The following PLAC1 variants were observed in gnomAD, a reference collection of about 807,000 sequenced individuals.
PLAC1 encodes the protein placenta associated 1.
For synonymous variants in PLAC1, 68 were observed against 62.1 expected (o/e 1.09, Z -0.44); for missense variants, 136 against 163.2 (o/e 0.83, Z 0.91).
At chrX:134,710,758 A>G (rs2078625739) in intron 2 of PLAC1, among the ~76,000 whole-genome samples, 1 of 111,410 alleles carries the variant, frequency 9.0e-6, no homozygotes, top group Admixed American at 9.6e-5. Flanking sequence ...AATAAAAATG[A>G]GTTGACTGGA....
At chrX:134,644,110 G>A (rs1344147799) in intron 1 of PLAC1, among the ~76,000 whole-genome samples, 1 of 111,003 alleles carries the variant, frequency 9.0e-6, no homozygotes, top group African/African-American at 3.3e-5. Flanking sequence ...GAACAAGATA[G>A]AAATGTCTAT....
At chrX:134,703,712 A>G (rs763527179) in intron 2 of PLAC1, among the ~76,000 whole-genome samples, 1 of 110,417 alleles carries the variant, frequency 9.1e-6, no homozygotes, top group African/African-American at 3.3e-5. Context: ...TGATATCTCA[A>G]TAAAGCTGTT....
At chrX:134,711,409 G>A (rs182701072) in intron 2 of PLAC1, among the ~76,000 whole-genome samples, 89 of 112,199 alleles carry the variant, frequency 7.9e-4, no homozygotes, top group Non-Finnish European at 1.5e-3. Flanking sequence ...TCAGCCTTGA[G>A]TAGATTTCAC....
intron 1 of PLAC1, among the ~76,000 whole-genome samples, chrX:134,762,700 C>T (rs372153451): frequency 9.4e-6 from 1 of 106,578 alleles, no homozygotes; most frequent in Admixed American, 1.0e-4. Context: ...CAGTGGCGGG[C>T]GCCTATAATC....
At chrX:134,744,948 C>A (rs755799742) in intron 1 of PLAC1, among the ~76,000 whole-genome samples, 1 of 111,293 alleles carries the variant, frequency 9.0e-6, no homozygotes, top group South Asian at 3.9e-4. Flanking sequence ...TATCAGTCTC[C>A]CAGAGTCTCC....
chrX:134,674,242 T>C (rs1477756216), intron 2 of PLAC1, among the ~76,000 whole-genome samples: 5 of 112,578 alleles, frequency 4.4e-5, no homozygotes, highest in Non-Finnish European at 9.4e-5. Context: ...GGATGACATG[T>C]TGAGGAAAAA....
rs1362532786 is a variant in PLAC1 at position 134,566,545 on chromosome X, G to A, written c.138C>T (p.Asn46=). The change falls in exon 3 of 3, where the codon AAC becomes AAT. Residue 46 remains asparagine (N), a synonymous_variant. Transcript: ENST00000359237. ...GTTCATGAAAGTGTACACACACATC[G>A]TTGTTTAGCATGAAGGGGTGCACTG... ...MVTVHPFMLN[N]DVCVHFHELH... The A allele has an allele frequency of 5.8e-6, 7 of 1,210,229 alleles. No homozygotes were observed. In the Admixed American group the frequency reaches 8.7e-5, roughly 15 times the overall value.
chrX:134,594,202 CTGAT>C (rs2078052455), intron 2 of PLAC1, among the ~76,000 whole-genome samples: 1 of 111,666 alleles, frequency 9.0e-6, no homozygotes, highest in Admixed American at 9.5e-5. Flanking sequence ...GTGGTTCACA[CTGAT>C]TGATTTTTAA....
chrX:134,709,093 G>C (rs1038645443), intron 2 of PLAC1, among the ~76,000 whole-genome samples: 1 of 112,102 alleles, frequency 8.9e-6, no homozygotes, highest in Non-Finnish European at 1.9e-5. Flanking sequence ...CCATGTTCAT[G>C]TATGGGAAGG....
At chrX:134,701,174 T>C (rs2078581956) in intron 2 of PLAC1, among the ~76,000 whole-genome samples, 1 of 111,440 alleles carries the variant, frequency 9.0e-6, no homozygotes, top group East Asian at 2.8e-4. Flanking sequence ...TTAACAAAAA[T>C]AAGCAATGGG....
At chrX:134,671,595 G>GAT (rs2078455641) in intron 2 of PLAC1, among the ~76,000 whole-genome samples, 1 of 106,425 alleles carries the variant, frequency 9.4e-6, no homozygotes, top group African/African-American at 3.7e-5. Flanking sequence ...GAACAGGAGA[G>GAT]AGAGAGAGAG....
chrX:134,578,027 T>C (rs1569375777), intron 2 of PLAC1, among the ~76,000 whole-genome samples: 1 of 109,860 alleles, frequency 9.1e-6, no homozygotes, highest in Non-Finnish European at 1.9e-5. Flanking sequence ...TGTGTATTGG[T>C]GGCAATTACA....
intron 2 of PLAC1, among the ~76,000 whole-genome samples, chrX:134,587,058 C>A (rs1261824445): frequency 3.6e-5 from 4 of 110,544 alleles, no homozygotes; most frequent in Middle Eastern, 4.6e-3. Flanking sequence ...GCTTTGTGAG[C>A]CTTGCTTCAT....
chrX:134,719,068 T>G (rs1044366379), intron 2 of PLAC1, among the ~76,000 whole-genome samples: 3 of 111,692 alleles, frequency 2.7e-5, no homozygotes, highest in Non-Finnish European at 5.6e-5. Context: ...GGAAGCAGAT[T>G]AGTGGTTGCC....
At chrX:134,755,852 C>CT (rs2078755390) in intron 1 of PLAC1, among the ~76,000 whole-genome samples, 4 of 80,706 alleles carry the variant, frequency 5.0e-5, no homozygotes, top group Non-Finnish European at 9.6e-5. Flanking sequence ...TTTTCCTTTT[C>CT]TTTCTTTTTT....
At chrX:134,747,052 A>G (rs1371086907) in intron 1 of PLAC1, among the ~76,000 whole-genome samples, 1 of 112,269 alleles carries the variant, frequency 8.9e-6, no homozygotes, top group Admixed American at 9.4e-5. Context: ...GTAGGCAATA[A>G]GGGGGACAGA....
chrX:134,668,228 C>G (rs1284136724), intron 2 of PLAC1, among the ~76,000 whole-genome samples: 1 of 112,352 alleles, frequency 8.9e-6, no homozygotes, highest in Non-Finnish European at 1.9e-5. Context: ...AAGCCAGACA[C>G]AAAGATCACA....
intron 1 of PLAC1, among the ~76,000 whole-genome samples, chrX:134,631,645 G>A (rs1219201806): frequency 9.0e-6 from 1 of 111,589 alleles, no homozygotes; most frequent in Admixed American, 9.5e-5. Context: ...TGGGGTCTAG[G>A]GGTAACTGGA....
At chrX:134,607,505 C>T in intron 1 of PLAC1, 1 of 163,457 alleles carries the variant, frequency 6.1e-6, no homozygotes, top group Non-Finnish European at 1.2e-5. Flanking sequence ...AAAAAGGAAG[C>T]CAAAGAGAAA....
Sources: gnomAD v4.1 joint callset for allele counts (sites outside exome capture counted in the v4.1 genomes callset) on GRCh38, gnomAD v4.1.1 for gene constraint, MANE v1.5 for transcripts, NCBI Gene and HGNC (gene_info 2026-07-23, HGNC 2026-07-21) for gene names.